Variants in RELN observed in about 807,000 individuals in gnomAD.
RELN encodes reelin.
RELN carries 108 observed loss-of-function variants against 427.6 expected under a neutral mutation model. The ratio of observed to expected loss-of-function variants is 0.25; its 90% CI spans 0.22 to 0.30. The LOEUF (loss-of-function observed/expected upper bound fraction) is 0.30. Among genes scored for constraint, RELN ranks in the 10% least tolerant of loss-of-function variants. The pLI is 1.00. For synonymous variants in RELN, 1,524 were observed against 1,513.4 expected (o/e 1.01, Z -0.16); for missense variants, 3,715 against 4,302.8 (o/e 0.86, Z 3.82).
In RELN at chr7:103,535,203, T is replaced by G. The variant is rs537473790; in HGVS notation, c.7349+113A>C. The G allele has an allele frequency of 2.1e-4, 200 of 955,722 alleles. 1 individual carries two copies. In the South Asian group the frequency reaches 2.6e-3, roughly 13 times the overall value. 59.2% of individuals were successfully genotyped at this position (955,722 alleles called of 1,614,324 possible). On this transcript the variant is annotated intron_variant, in intron 46 of 64. Coordinates refer to ENST00000428762, the MANE Select transcript of RELN (RefSeq NM_005045.4). ...TAATAATTCATACATGGCAATACCATTAGCAATTAACAAAACCCTCACATA... is the reference window on the plus strand; with the variant it reads ...TAATAATTCATACATGGCAATACCAGTAGCAATTAACAAAACCCTCACATA...
intron 25 of RELN, among the ~76,000 whole-genome samples, chr7:103,595,626 A>G (rs1246245617): frequency 3.3e-5 from 5 of 152,168 alleles, no homozygotes; most frequent in Admixed American, 2.0e-4. Context: ...TTCAATAAAC[A>G]AGTCTCATTT....
intron 48 of RELN, among the ~76,000 whole-genome samples, chr7:103,521,124 C>A (rs1284678754): frequency 1.3e-5 from 2 of 150,146 alleles, no homozygotes; most frequent in South Asian, 4.2e-4. Context: ...CTACAGGCGC[C>A]CGCCACCGCG....
rs1419717665 is a variant in RELN at position 103,620,891 on chromosome 7, A to G, written c.2702+9049T>C. On this transcript the variant is annotated intron_variant, in intron 20 of 64. Coordinates refer to ENST00000428762, the MANE Select transcript of RELN (RefSeq NM_005045.4). The surrounding 1 kb of genome is among the most constrained non-coding windows in gnomAD (Gnocchi z 4.1). ...CTTGAACATCACTTCCTTTTAGAACAGAACACACTGGTTGATGTAGTCAGG... is the reference window on the plus strand; with the variant it reads ...CTTGAACATCACTTCCTTTTAGAACGGAACACACTGGTTGATGTAGTCAGG... Among the ~76,000 whole-genome samples, 1 of 152,198 alleles carries G rather than the reference A, an allele frequency of 6.6e-6. No individual in the cohort carries two copies. The highest frequency in any genetic ancestry group is 2.4e-5 in the African/African-American group (1 of 41,452).
chr7:103,561,909 A>C lies in RELN; in HGVS notation c.5255T>G (p.Val1752Gly), dbSNP rs1165004470. ...RFRWIQANYT[V>G]GADSWAIDNV... The stretch of plus-strand genomic sequence containing the variant: ...ATCAATCGCCCAGGAATCAGCCCCC[A>C]CAGTGTAGTTGGCCTGAATCCATCT... Residue 1752 changes from valine (V) to glycine (G), a missense_variant, in exon 35 of 65, where the codon GTG becomes GGG. Around this residue, in one of 4 missense-constraint regions of RELN, gnomAD observed 2,208 missense variants for 2,361.7 expected, o/e 0.93. Coordinates refer to ENST00000428762, the MANE Select transcript of RELN (RefSeq NM_005045.4). The C allele has an allele frequency of 1.3e-6, 2 of 1,582,914 alleles. No homozygotes were observed. The highest frequency in any genetic ancestry group is 8.6e-7 in the Non-Finnish European group (1 of 1,163,546).
At chr7:103,877,827 C>T (rs1234858436) in intron 2 of RELN, among the ~76,000 whole-genome samples, 3 of 149,290 alleles carry the variant, frequency 2.0e-5, no homozygotes, top group Non-Finnish European at 4.5e-5. Context: ...CCTCCTCCTT[C>T]TTCTTCTTCC....
intron 57 of RELN, among the ~76,000 whole-genome samples, chr7:103,495,491 C>T (rs965166829): frequency 1.3e-5 from 2 of 152,024 alleles, no homozygotes; most frequent in African/African-American, 4.8e-5. Context: ...TTTGCACCAG[C>T]CTAATAGTTA....
chr7:103,752,832 T>G (rs971330495), intron 5 of RELN, among the ~76,000 whole-genome samples: 7 of 152,208 alleles, frequency 4.6e-5, no homozygotes, highest in African/African-American at 7.2e-5. Context: ...CATGGCTTCT[T>G]GCCCACTAGC....
intron 46 of RELN, among the ~76,000 whole-genome samples, chr7:103,527,227 C>T (rs948431405): frequency 6.6e-6 from 1 of 152,168 alleles, no homozygotes; most frequent in Non-Finnish European, 1.5e-5. Flanking sequence ...TCGTCATCAT[C>T]GTGAGAAAAA....
At chr7:103,525,550 T>G (rs1159426399) in intron 46 of RELN, among the ~76,000 whole-genome samples, 1 of 152,184 alleles carries the variant, frequency 6.6e-6, no homozygotes, top group Non-Finnish European at 1.5e-5. Context: ...GTTTTGCTGA[T>G]AAATTATTTT....
chr7:103,635,360 A>G (rs1383155716), intron 19 of RELN, 65 bp downstream of exon 19: 1 of 1,540,930 alleles, frequency 6.5e-7, no homozygotes, highest in African/African-American at 1.4e-5. Context: ...ATACCATTTG[A>G]ATTATGATTT....
chr7:103,851,916 T>C (rs995462186), intron 2 of RELN, among the ~76,000 whole-genome samples: 2 of 152,214 alleles, frequency 1.3e-5, no homozygotes, highest in Non-Finnish European at 2.9e-5. Context: ...GTGTTCTTTA[T>C]TCCTTTGTCT....
At chr7:103,668,592 T>C (rs1035809163) in intron 11 of RELN, among the ~76,000 whole-genome samples, 6 of 152,194 alleles carry the variant, frequency 3.9e-5, no homozygotes, top group Non-Finnish European at 8.8e-5. Context: ...CCATCCCAGT[T>C]TGTAATAGAT....
In RELN at chr7:103,796,884, AAAAAAAAAAAG is replaced by A. The variant is rs1366654517; in HGVS notation, c.474-20268_474-20258del. On this transcript the variant is annotated intron_variant, in intron 3 of 64. Transcript: ENST00000428762. ...GCTAGACTCCATCTCACAAAAAAAAAAAAAAAAAAAGAAAGAAAGAAAAAGAAAAAGAAAAA... is the reference window on the plus strand; with the variant it reads ...GCTAGACTCCATCTCACAAAAAAAAAAAAGAAAGAAAAAGAAAAAGAAAAA... Among the ~76,000 whole-genome samples, 80 of 143,668 alleles carry A rather than the reference AAAAAAAAAAAG, an allele frequency of 5.6e-4. 1 individual carries two copies. The highest frequency in any genetic ancestry group is 8.4e-4 in the South Asian group (4 of 4,758). 94.3% of individuals were successfully genotyped at this position (143,668 alleles called of 152,430 possible). A position where few individuals can be genotyped will look rare whatever the true frequency, so the allele number is the denominator to read the frequency against.
intron 10 of RELN, among the ~76,000 whole-genome samples, chr7:103,693,890 C>T (rs1833923676): frequency 2.0e-5 from 3 of 152,112 alleles, no homozygotes; most frequent in South Asian, 4.1e-4. Context: ...TTACTGAAAA[C>T]ACCTCCTGCC....
intron 3 of RELN, among the ~76,000 whole-genome samples, chr7:103,794,909 T>C (rs1792262301): frequency 6.6e-6 from 1 of 152,212 alleles, no homozygotes; most frequent in Non-Finnish European, 1.5e-5. Context: ...TTGTAAGAAC[T>C]CAGCCCATAT....
chr7:103,908,937 T>C (rs966069240), intron 2 of RELN, among the ~76,000 whole-genome samples: 4 of 152,246 alleles, frequency 2.6e-5, no homozygotes, highest in African/African-American at 7.2e-5. Flanking sequence ...TCATTTACCA[T>C]ACCCAATAAA....
chr7:103,969,503 T>G (rs899319890), intron 1 of RELN, among the ~76,000 whole-genome samples: 8 of 152,194 alleles, frequency 5.3e-5, no homozygotes, highest in African/African-American at 1.4e-4. Context: ...AAGATCACTG[T>G]GTAAAATCCT....
intron 2 of RELN, among the ~76,000 whole-genome samples, chr7:103,905,019 C>T (rs867567323): frequency 3.2e-5 from 4 of 124,688 alleles, no homozygotes; most frequent in Middle Eastern, 8.2e-3. Context: ...CTCGCTTTGT[C>T]GCCCAGGCTG....
chr7:103,537,423 C>A (rs1207860756), intron 45 of RELN, among the ~76,000 whole-genome samples: 1 of 152,180 alleles, frequency 6.6e-6, no homozygotes. Context: ...TTGTTCATGA[C>A]CTTACCAAGC....
Sources: allele counts gnomAD v4.1 joint callset (sites outside exome capture counted in the v4.1 genomes callset), GRCh38; gene constraint gnomAD v4.1.1; regional missense constraint gnomAD v4.1.1; non-coding constraint Gnocchi (gnomAD v3.1); transcripts MANE v1.5; gene names NCBI Gene and HGNC (gene_info 2026-07-23, HGNC 2026-07-21).